Variants in PPHLN1 observed in about 807,000 individuals in gnomAD.
The protein encoded by PPHLN1 is periphilin-1.
A neutral mutation model predicts 51.3 loss-of-function variants in PPHLN1; 29 were observed. The observed-to-expected ratio is 0.57, with a 90% CI of 0.42 to 0.77. The LOEUF (loss-of-function observed/expected upper bound fraction) is 0.77. Among genes scored for constraint, PPHLN1 ranks in the 30% least tolerant of loss-of-function variants. The probability of loss-of-function intolerance (pLI) is 0.00; values close to 1 mark genes in which losing one functional copy is unlikely to be tolerated. For missense variants in PPHLN1, 436 were observed against 438.4 expected (o/e 0.99, Z 0.05); for synonymous variants, 147 against 147.8 (o/e 0.99, Z 0.04).
intron 2 of PPHLN1, among the ~76,000 whole-genome samples, chr12:42,348,779 G>T (rs1251362284): frequency 2.0e-5 from 3 of 151,906 alleles, no homozygotes; most frequent in Non-Finnish European, 2.9e-5. Flanking sequence ...AATTAGAAAT[G>T]ATGTAAATTG....
At chr12:42,404,528 T>TCAACAACCACAACAACAACAA (rs1555210899) in intron 9 of PPHLN1, among the ~76,000 whole-genome samples, 4 of 150,892 alleles carry the variant, frequency 2.7e-5, no homozygotes, top group African/African-American at 9.8e-5. Context: ...AAACTCCGTC[T>TCAACAACCACAACAACAACAA]CAACAACAAC....
At chr12:42,414,253 C>T (rs1184836482) in intron 9 of PPHLN1, among the ~76,000 whole-genome samples, 2 of 151,042 alleles carry the variant, frequency 1.3e-5, no homozygotes, top group Non-Finnish European at 1.5e-5. Flanking sequence ...CAGGCTGGTC[C>T]GGAACTCCTG....
At chr12:42,400,888 C>T (rs1458233151) in intron 9 of PPHLN1, among the ~76,000 whole-genome samples, 2 of 151,308 alleles carry the variant, frequency 1.3e-5, no homozygotes, top group African/African-American at 2.4e-5. Context: ...GAGATCATTC[C>T]ATATTAGCCC....
intron 2 of PPHLN1, among the ~76,000 whole-genome samples, chr12:42,345,460 C>T (rs1297733874): frequency 6.6e-6 from 1 of 151,490 alleles, no homozygotes; most frequent in Non-Finnish European, 1.5e-5. Context: ...TATTTTTGGT[C>T]TGACTGATCA....
chr12:42,429,201 A>G (rs1407678361), intron 9 of PPHLN1, among the ~76,000 whole-genome samples: 1 of 152,150 alleles, frequency 6.6e-6, no homozygotes, highest in African/African-American at 2.4e-5. Context: ...CAAGCCAGTA[A>G]TTGACATTGA....
At chr12:42,345,529 A>G (rs2072180068) in intron 2 of PPHLN1, among the ~76,000 whole-genome samples, 1 of 151,712 alleles carries the variant, frequency 6.6e-6, no homozygotes, top group South Asian at 2.1e-4. Flanking sequence ...AATAAATTCT[A>G]TGCATATTTT....
At chr12:42,401,043 T>C (rs1030902792) in intron 9 of PPHLN1, among the ~76,000 whole-genome samples, 1 of 152,092 alleles carries the variant, frequency 6.6e-6, no homozygotes, top group African/African-American at 2.4e-5. Context: ...AGGTTTTTGG[T>C]TTAATATTGT....
intron 6 of PPHLN1, chr12:42,386,840 G>A (rs2077236089): frequency 6.6e-6 from 1 of 152,134 alleles, no homozygotes; most frequent in Non-Finnish European, 1.5e-5. Context: ...TATACATACA[G>A]CACTATGTGA....
chr12:42,440,721 A>G (rs748396779), intron 9 of PPHLN1, among the ~76,000 whole-genome samples: 1 of 152,200 alleles, frequency 6.6e-6, no homozygotes, highest in African/African-American at 2.4e-5. Context: ...GGGGTTACAG[A>G]CACGCGCCAC....
chr12:42,403,400 A>G (rs2079008583), intron 9 of PPHLN1, among the ~76,000 whole-genome samples: 1 of 152,236 alleles, frequency 6.6e-6, no homozygotes, highest in Non-Finnish European at 1.5e-5. Context: ...ACCAAATTTC[A>G]AAGAGTTTGA....
At chr12:42,392,568 C>T (rs1394707577) in intron 7 of PPHLN1, among the ~76,000 whole-genome samples, 2 of 151,950 alleles carry the variant, frequency 1.3e-5, no homozygotes, top group Non-Finnish European at 1.5e-5. Flanking sequence ...AAAATGTATA[C>T]CAAGGAAGTA....
At chr12:42,365,091 G>A (rs940201337) in intron 4 of PPHLN1, among the ~76,000 whole-genome samples, 2 of 152,166 alleles carry the variant, frequency 1.3e-5, no homozygotes. Flanking sequence ...AGGCAGACAG[G>A]TGTTTGATTT....
At chr12:42,377,893 A>G (rs1344568897) in intron 5 of PPHLN1, among the ~76,000 whole-genome samples, 1 of 152,150 alleles carries the variant, frequency 6.6e-6, no homozygotes, top group Non-Finnish European at 1.5e-5. Flanking sequence ...AGATCTTGAG[A>G]TGAAATGTGG....
intron 5 of PPHLN1, among the ~76,000 whole-genome samples, chr12:42,384,216 A>G (rs1709509969): frequency 2.6e-5 from 4 of 152,090 alleles, no homozygotes. Flanking sequence ...GATAGTGCCA[A>G]AACAATTCAG....
intron 9 of PPHLN1, among the ~76,000 whole-genome samples, chr12:42,413,524 ATATGTGTGTGTGTGTGTG>A (rs2080073913): frequency 8.4e-6 from 1 of 119,012 alleles, no homozygotes; most frequent in Non-Finnish European, 1.8e-5. Context: ...ATATATATGT[ATATGTGTGTGTGTGTGTG>A]TGTGTGTGTG....
At chr12:42,437,474 C>T (rs908468166) in intron 9 of PPHLN1, among the ~76,000 whole-genome samples, 7 of 152,048 alleles carry the variant, frequency 4.6e-5, no homozygotes, top group Admixed American at 2.6e-4. Context: ...GTTAAGAAAC[C>T]TTTTTTTCTT....
intron 9 of PPHLN1, among the ~76,000 whole-genome samples, chr12:42,423,905 G>A (rs1231012078): frequency 6.6e-6 from 1 of 152,076 alleles, no homozygotes; most frequent in Admixed American, 6.6e-5. Context: ...TCAAACTCCT[G>A]ACCTCAGGTG....
At chr12:42,446,489 AAT>A (rs1325063382), downstream of PPHLN1, 2 of 1,439,924 alleles carry the variant, frequency 1.4e-6, no homozygotes, top group Non-Finnish European at 1.9e-6. Flanking sequence ...TGCAAAAAAA[AAT>A]CTCTCCTAGA....
intron 7 of PPHLN1, among the ~76,000 whole-genome samples, chr12:42,389,192 G>A (rs1052343784): frequency 6.6e-6 from 1 of 152,018 alleles, no homozygotes; most frequent in Non-Finnish European, 1.5e-5. Context: ...CCAACGTGGT[G>A]AAACCCCGTC....
Sources: allele counts gnomAD v4.1 joint callset (sites outside exome capture counted in the v4.1 genomes callset), GRCh38; gene constraint gnomAD v4.1.1; transcripts MANE v1.5; gene names NCBI Gene and HGNC (gene_info 2026-07-23, HGNC 2026-07-21).